Variants in ABCB5 observed in about 807,000 individuals in gnomAD.
The protein encoded by ABCB5 is ATP-binding cassette sub-family B member 5.
ABCB5 carries 155 observed loss-of-function variants against 144.2 expected under a neutral mutation model. The ratio of observed to expected loss-of-function variants is 1.08; its 90% CI spans 0.94 to 1.23. The LOEUF is 1.23. ABCB5 is among the 50% of genes most tolerant of loss of function. The pLI is 0.00. For synonymous variants in ABCB5, 610 were observed against 528.6 expected, an observed-to-expected ratio of 1.15 and a Z score of -2.11; for missense variants, 1,830 against 1,520.8, an observed-to-expected ratio of 1.20 and a Z score of -3.38.
At chr7:20,630,006 T>C (rs1476485) in intron 4 of ABCB5, among the ~76,000 whole-genome samples, 36,597 of 151,914 alleles carry the variant, frequency 0.24, 5,170 homozygotes, top group African/African-American at 0.4. Flanking sequence ...TTCATATTGC[T>C]CTTATCTGTA....
At chr7:20,695,877 A>C (rs1786395382) in intron 16 of ABCB5, among the ~76,000 whole-genome samples, 1 of 151,996 alleles carries the variant, frequency 6.6e-6, no homozygotes, top group Non-Finnish European at 1.5e-5. Flanking sequence ...AAATCACTAT[A>C]CACCTGTTAG....
At chr7:20,726,358 CTTTTT>C (rs1172285058) in intron 21 of ABCB5, among the ~76,000 whole-genome samples, 2 of 78,420 alleles carry the variant, frequency 2.6e-5, no homozygotes, top group Non-Finnish European at 4.4e-5. Flanking sequence ...TCTCTGCTAT[CTTTTT>C]TTTTTTTTTT....
chr7:20,745,190 TG>T, intron 25 of ABCB5, 41 bp from the exon 26 acceptor site: 1 of 1,565,366 alleles, frequency 6.4e-7, no homozygotes, highest in Non-Finnish European at 8.8e-7. Flanking sequence ...ATGATACAGT[TG>T]TGTGATCTTA....
intron 26 of ABCB5, among the ~76,000 whole-genome samples, chr7:20,749,952 T>A (rs1038096917): frequency 6.6e-5 from 10 of 152,044 alleles, no homozygotes; most frequent in Non-Finnish European, 1.2e-4. Flanking sequence ...AAGAATAGAG[T>A]ATATAAAGCT....
chr7:20,713,441 G>T (rs1562574736), intron 20 of ABCB5, among the ~76,000 whole-genome samples: 1 of 149,180 alleles, frequency 6.7e-6, no homozygotes, highest in South Asian at 2.2e-4. Context: ...TCACTGTGTT[G>T]TCCAGGCTGG....
intron 20 of ABCB5, among the ~76,000 whole-genome samples, chr7:20,722,680 G>A (rs1287355436): frequency 6.6e-6 from 1 of 152,032 alleles, no homozygotes; most frequent in African/African-American, 2.4e-5. Flanking sequence ...AAATTAGCTG[G>A]GCTTGGTGGC....
Position 20,753,483 on chromosome 7 carries a change from G to T in ABCB5, c.3553G>T (p.Ala1185Ser). Residue 1185 changes from alanine to serine, a missense_variant, in exon 27 of 28, where the codon GCC becomes TCC. Coordinates refer to ENST00000404938, the MANE Select transcript of ABCB5 (RefSeq NM_001163941.2). ...KILLLDEATS[A>S]LDNDSEKVVQ... ...TTTATTGTTGGATGAGGCCACTTCA[G>T]CCCTCGATAATGACAGTGAGAAGGT... is the stretch of plus-strand genomic sequence containing the variant. 6.2e-7 allele frequency: 1 copy of T among 1,613,522 alleles called. No homozygotes were observed. The highest frequency in any genetic ancestry group is 8.5e-7 in the Non-Finnish European group (1 of 1,179,720).
rs112950622 is a variant in ABCB5, at chr7:20,733,713, G to A, written c.2867+5258G>A. On this transcript the variant is annotated intron_variant, in intron 23 of 27. Coordinates refer to ENST00000404938, the MANE Select transcript of ABCB5 (RefSeq NM_001163941.2). ...GAGTGCAGTGGCACGATCTCAGCTC[G>A]CCGCAAACTCCGCTTCCTGGATTCA... Among the ~76,000 whole-genome samples, 1,209 of 150,786 alleles carry A rather than the reference G, an allele frequency of 8.0e-3. 11 individuals carry two copies. The highest frequency in any genetic ancestry group is 0.035 in the East Asian group (178 of 5,100).
intron 15 of ABCB5, among the ~76,000 whole-genome samples, chr7:20,683,632 A>C (rs182738576): frequency 3.0e-4 from 46 of 152,270 alleles, no homozygotes; most frequent in Non-Finnish European, 5.1e-4. Flanking sequence ...AAAATTTTAA[A>C]CACCTTATTT....
chr7:20,629,530 G>C (rs1783986637), intron 4 of ABCB5, among the ~76,000 whole-genome samples: 1 of 152,110 alleles, frequency 6.6e-6, no homozygotes. Flanking sequence ...GGGAGGCTGA[G>C]ACCAGTGGAT....
chr7:20,647,418 C>T (rs187171018), intron 9 of ABCB5, 117 bp from the exon 10 acceptor site: 1 of 1,388,878 alleles, frequency 7.2e-7, no homozygotes, highest in Non-Finnish European at 9.3e-7. Flanking sequence ...TCCATTCTTT[C>T]TTACCTAATT....
At chr7:20,701,036 C>T (rs1410041505) in intron 19 of ABCB5, among the ~76,000 whole-genome samples, 1 of 152,176 alleles carries the variant, frequency 6.6e-6, no homozygotes, top group Admixed American at 6.5e-5. Context: ...AGAAGCAAGT[C>T]GGAGGTTTCC....
chr7:20,713,651 T>C (rs1442799535), intron 20 of ABCB5, among the ~76,000 whole-genome samples: 2 of 149,718 alleles, frequency 1.3e-5, no homozygotes, highest in African/African-American at 4.9e-5. Context: ...TTAAGTTACC[T>C]GGGAATAGTT....
intron 14 of ABCB5, among the ~76,000 whole-genome samples, chr7:20,672,091 AC>A (rs1381721250): frequency 6.6e-6 from 1 of 152,164 alleles, no homozygotes; most frequent in African/African-American, 2.4e-5. Flanking sequence ...GTGCATATTA[AC>A]CATCCACATT....
chr7:20,667,593 G>A, intron 14 of ABCB5: 5 of 940,700 alleles, frequency 5.3e-6, no homozygotes, highest in Non-Finnish European at 5.1e-6. Flanking sequence ...TGAAATCATT[G>A]AGCTAATGGG....
chr7:20,671,283 A>G (rs1372458028), intron 14 of ABCB5, among the ~76,000 whole-genome samples: 1 of 152,210 alleles, frequency 6.6e-6, no homozygotes, highest in Non-Finnish European at 1.5e-5. Context: ...GGGCTGCTGA[A>G]TGTATTTGCT....
At chr7:20,723,614 A>C (rs1326257493) in intron 21 of ABCB5, among the ~76,000 whole-genome samples, 1 of 152,260 alleles carries the variant, frequency 6.6e-6, no homozygotes, top group African/African-American at 2.4e-5. Context: ...CAATGTTATT[A>C]TACGCAAAAC....
intron 5 of ABCB5, among the ~76,000 whole-genome samples, chr7:20,636,394 T>C (rs561101906): frequency 6.6e-6 from 1 of 152,266 alleles, no homozygotes; most frequent in Admixed American, 6.5e-5. Context: ...TGTACAGTTA[T>C]GTAAGGGCTA....
intron 14 of ABCB5, among the ~76,000 whole-genome samples, chr7:20,680,970 TTTTCTTTC>T (rs1244502074): frequency 0.01 from 1,372 of 131,100 alleles, 59 homozygotes; most frequent in Middle Eastern, 0.016. Flanking sequence ...CCTCCTTTCT[TTTTCTTTC>T]TTTCTTTCTT....
Sources: gnomAD v4.1 joint callset for allele counts (sites outside exome capture counted in the v4.1 genomes callset) on GRCh38, gnomAD v4.1.1 for gene constraint, MANE v1.5 for transcripts, NCBI Gene and HGNC (gene_info 2026-07-23, HGNC 2026-07-21) for gene names.